MAGI3: variants seen among roughly 807,000 people sequenced by gnomAD.
MAGI3 encodes membrane associated guanylate kinase, WW and PDZ domain containing 3.
MAGI3 carries 43 observed loss-of-function variants against 121.8 expected under a neutral mutation model. The ratio of observed to expected loss-of-function variants is 0.35; its 90% CI spans 0.28 to 0.46. The LOEUF is 0.46. MAGI3 is among the 20% of genes least tolerant of loss of function. The probability of loss-of-function intolerance (pLI) is 1.00; values close to 1 mark genes in which losing one functional copy is unlikely to be tolerated. For missense variants in MAGI3, 1,547 were observed against 1,797.3 expected, an observed-to-expected ratio of 0.86 and a Z score of 2.52; for synonymous variants, 553 against 639.3, an observed-to-expected ratio of 0.86 and a Z score of 2.04.
At position 113,435,457 on chromosome 1, in the gene MAGI3, T is replaced by C. The variant is rs566312176; in HGVS notation, c.316+44108T>C. On this transcript the variant is annotated intron_variant, in intron 1 of 20. Coordinates refer to ENST00000307546, the MANE Select transcript of MAGI3 (RefSeq NM_001142782.2). ...TTGGAAGTGTCAGTTTCACAATTGC[T>C]AACCTACTTGAAGTGTTTTGAAAAA... Among the ~76,000 whole-genome samples, 3 of 152,298 alleles carry C rather than the reference T, an allele frequency of 2.0e-5. No individual in the cohort carries two copies. The South Asian group carries it at 6.2e-4, about 32-fold the overall frequency.
In MAGI3 at chr1:113,391,126, G is replaced by T. The variant is rs1244326183; in HGVS notation, c.93G>T (p.Ala31=). The change falls in exon 1 of 21, where the codon GCG becomes GCT. Residue 31 remains alanine (A), a synonymous_variant. Coordinates refer to ENST00000307546, the MANE Select transcript of MAGI3 (RefSeq NM_001142782.2). The surrounding 1 kb of genome is among the most constrained non-coding windows in gnomAD (Gnocchi z 4.4). Reference sequence around the variant, plus strand: ...CCGGGCCCCCGGGCGACTTCGGCGCGGAGATCCGCGGTGGCGCGGAGCGTG... The same window carrying T: ...CCGGGCCCCCGGGCGACTTCGGCGCTGAGATCCGCGGTGGCGCGGAGCGTG... ...SWAGPPGDFG[A]EIRGGAERGE... The T allele has an allele frequency of 1.3e-6, 2 of 1,572,046 alleles. No individual in the cohort carries two copies.
Position 113,391,479 on chromosome 1 carries a change from C to T in MAGI3, c.316+130C>T. 9.6e-7 allele frequency: 1 copy of T among 1,045,798 alleles called. No individual in the cohort carries two copies. Among genetic ancestry groups the T allele is most frequent in the Non-Finnish European group, 1.4e-6 (1 of 736,482 alleles). The allele number at this position is 1,045,798 out of a possible 1,614,324, so 64.8% of individuals were successfully genotyped here. A position where few individuals can be genotyped will look rare whatever the true frequency, so the allele number is the denominator to read the frequency against. On this transcript the variant is annotated intron_variant, in intron 1 of 20. Coordinates refer to ENST00000307546, the MANE Select transcript of MAGI3 (RefSeq NM_001142782.2). The surrounding 1 kb of genome is among the most constrained non-coding windows in gnomAD (Gnocchi z 4.4). The stretch of plus-strand genomic sequence containing the variant: ...TCTTAGACCTCTAGGGTGTGCCAGA[C>T]TCCTTGACGAGGGGGAGGGGTGGCG...
At chr1:113,579,316 G>C (rs1410398980) in intron 2 of MAGI3, among the ~76,000 whole-genome samples, 1 of 152,160 alleles carries the variant, frequency 6.6e-6, no homozygotes, top group Non-Finnish European at 1.5e-5. Flanking sequence ...GAGTGGGAAA[G>C]GGAGTAGGAA....
At chr1:113,393,596 G>A (rs572828389) in intron 1 of MAGI3, among the ~76,000 whole-genome samples, 130 of 152,220 alleles carry the variant, frequency 8.5e-4, no homozygotes, top group African/African-American at 3.0e-3. Context: ...TTATAAAATA[G>A]CAAGATTTTT....
intron 9 of MAGI3, among the ~76,000 whole-genome samples, chr1:113,637,118 T>C (rs1652086097): frequency 6.6e-6 from 1 of 152,216 alleles, no homozygotes. Flanking sequence ...TGAGTCTATG[T>C]GTGTCTCTGC....
At chr1:113,463,577 G>T (rs373193728) in intron 1 of MAGI3, among the ~76,000 whole-genome samples, 49 of 152,216 alleles carry the variant, frequency 3.2e-4, no homozygotes, top group African/African-American at 1.1e-3. Flanking sequence ...CTGTTTCATT[G>T]AAGTGATGAG....
intron 1 of MAGI3, among the ~76,000 whole-genome samples, chr1:113,434,052 C>G (rs1653437452): frequency 6.6e-6 from 1 of 152,142 alleles, no homozygotes; most frequent in African/African-American, 2.4e-5. Flanking sequence ...CTCTCAGCTC[C>G]AAATTCATCC....
chr1:113,631,264 T>G (rs1160624993), intron 9 of MAGI3, among the ~76,000 whole-genome samples: 1 of 152,186 alleles, frequency 6.6e-6, no homozygotes, highest in Admixed American at 6.5e-5. Flanking sequence ...TGATATGAAG[T>G]CCAAACCAGG....
chr1:113,482,645 CT>C (rs59465922), intron 1 of MAGI3, among the ~76,000 whole-genome samples: 80,781 of 122,000 alleles, frequency 0.66, 27,082 homozygotes, highest in African/African-American at 0.73. Flanking sequence ...CCTCAACCTA[CT>C]TTTTTTTTTT....
intron 1 of MAGI3, among the ~76,000 whole-genome samples, chr1:113,534,685 T>C (rs1432990858): frequency 6.6e-6 from 1 of 152,226 alleles, no homozygotes; most frequent in Non-Finnish European, 1.5e-5. Context: ...GGTATTACTT[T>C]GTGATTTTTA....
chr1:113,437,878 CT>C (rs1405370767), intron 1 of MAGI3, among the ~76,000 whole-genome samples: 76 of 10,950 alleles, frequency 6.9e-3, no homozygotes, highest in South Asian at 0.011. Context: ...TCTTCTTCTT[CT>C]CCTTCTCCTT....
At chr1:113,633,060 C>A (rs1257144373) in intron 9 of MAGI3, among the ~76,000 whole-genome samples, 2 of 107,260 alleles carry the variant, frequency 1.9e-5, no homozygotes, top group South Asian at 4.3e-4. Context: ...CCCCTCCCCC[C>A]ACCCCACAGC....
intron 7 of MAGI3, among the ~76,000 whole-genome samples, chr1:113,616,303 A>G (rs1650459233): frequency 6.6e-6 from 1 of 152,188 alleles, no homozygotes; most frequent in Non-Finnish European, 1.5e-5. Flanking sequence ...GTATTAGACT[A>G]AGAAGGAGCA....
intron 19 of MAGI3, among the ~76,000 whole-genome samples, chr1:113,674,467 G>T (rs1037688715): frequency 8.6e-5 from 13 of 150,434 alleles, no homozygotes; most frequent in African/African-American, 2.2e-4. Flanking sequence ...CATTCAGTTA[G>T]GTGATACATT....
intron 1 of MAGI3, among the ~76,000 whole-genome samples, chr1:113,449,083 A>C (rs972628114): frequency 1.3e-5 from 2 of 150,518 alleles, no homozygotes; most frequent in Non-Finnish European, 1.5e-5. Flanking sequence ...ACGCTATTGC[A>C]CTCCCCTGGG....
chr1:113,425,796 A>G lies in MAGI3; in HGVS notation c.316+34447A>G, dbSNP rs529713244. ...GACATTGGTGATTTGTATTTTCTCT[A>G]TTTTTGTCTCTATTTAGTCTTCCTA... On this transcript the variant is annotated intron_variant, in intron 1 of 20. Coordinates refer to ENST00000307546, the MANE Select transcript of MAGI3 (RefSeq NM_001142782.2). Among the ~76,000 whole-genome samples, 10 of 152,018 alleles carry G rather than the reference A, an allele frequency of 6.6e-5. No individual in the cohort carries two copies. The South Asian group carries it at 2.1e-3, about 32-fold the overall frequency.
chr1:113,541,035 T>C (rs1329255829), intron 1 of MAGI3, among the ~76,000 whole-genome samples: 1 of 152,144 alleles, frequency 6.6e-6, no homozygotes, highest in East Asian at 1.9e-4. Context: ...CTAGCTATGA[T>C]TATAATTCTT....
In MAGI3 at chr1:113,664,129, C is replaced by T. The variant is rs1475414555; in HGVS notation, c.2815+4864C>T. 4.6e-5 allele frequency among the ~76,000 whole-genome samples: 7 copies of T among 152,186 alleles called. No individual in the cohort carries two copies. In the East Asian group the frequency reaches 1.2e-3, roughly 25 times the overall value. On this transcript the variant is annotated intron_variant, in intron 16 of 20. Coordinates refer to ENST00000307546, the MANE Select transcript of MAGI3 (RefSeq NM_001142782.2). ...TACATGGTTTGCAAGTATTTTTCTC[C>T]CATTCTCCATTTGTCTTTTTACTTT...
At chr1:113,632,390 C>T (rs573675378) in intron 9 of MAGI3, among the ~76,000 whole-genome samples, 13 of 152,146 alleles carry the variant, frequency 8.5e-5, no homozygotes, top group Non-Finnish European at 1.8e-4. Context: ...ACAATATTTC[C>T]GTGAAAATTC....
Sources: allele counts gnomAD v4.1 joint callset (sites outside exome capture counted in the v4.1 genomes callset), GRCh38; gene constraint gnomAD v4.1.1; non-coding constraint Gnocchi (gnomAD v3.1); transcripts MANE v1.5; gene names NCBI Gene and HGNC (gene_info 2026-07-23, HGNC 2026-07-21).